The following NLRC5 variants were observed in gnomAD, a reference collection of about 807,000 sequenced individuals.
The protein encoded by NLRC5 is NLR family CARD domain containing 5, also known as protein NLRC5.
NLRC5 carries 114 observed loss-of-function variants against 206.9 expected under a neutral mutation model. The ratio of observed to expected loss-of-function variants is 0.55; its 90% CI spans 0.47 to 0.64. NLRC5 has a LOEUF of 0.64. Among genes scored for constraint, NLRC5 ranks in the 30% least tolerant of loss-of-function variants. NLRC5 has a pLI of 0.00. For synonymous variants in NLRC5, 952 were observed against 962.8 expected (o/e 0.99, Z 0.21); for missense variants, 2,008 against 2,305.5 (o/e 0.87, Z 2.64).
rs1041076881 is a variant in NLRC5 at position 57,055,539 on chromosome 16, G to A, written c.3746+20G>A. On this transcript the variant is annotated intron_variant, in intron 27 of 48. Coordinates refer to ENST00000688547, the MANE Select transcript of NLRC5 (RefSeq NM_001384950.1). ...GGTGGAGTAAGTTGAGGGAGGAGGA[G>A]GAAGGAGAGGAGCATGGACGCATGC... The A allele has an allele frequency of 2.5e-6, 4 of 1,600,782 alleles. No homozygotes were observed. Among genetic ancestry groups the A allele is most frequent in the Non-Finnish European group, 3.4e-6 (4 of 1,168,570 alleles).
At chr16:57,022,595 C>G (rs16970107) in intron 4 of NLRC5, among the ~76,000 whole-genome samples, 23,478 of 151,556 alleles carry the variant, frequency 0.15, 2,324 homozygotes, top group Middle Eastern at 0.28. Flanking sequence ...TTCTCACTTT[C>G]CTGCCCGCAA....
intron 1 of NLRC5, among the ~76,000 whole-genome samples, chr16:57,005,005 G>A (rs1242464641): frequency 1.3e-5 from 2 of 152,078 alleles, no homozygotes; most frequent in African/African-American, 2.4e-5. Flanking sequence ...TACTGACTGC[G>A]TGACCCTGGC....
chr16:57,058,454 G>A (rs1450026776), intron 28 of NLRC5: 1 of 420,490 alleles, frequency 2.4e-6, no homozygotes, highest in African/African-American at 2.0e-5. Flanking sequence ...TCCCCAACCA[G>A]CTGATGCGGG....
chr16:57,068,944 G>C (rs1428851222), intron 36 of NLRC5, among the ~76,000 whole-genome samples: 3 of 152,180 alleles, frequency 2.0e-5, no homozygotes, highest in Non-Finnish European at 4.4e-5. Flanking sequence ...CTCATGTTTA[G>C]AGTTAGAGTC....
At chr16:57,077,151 G>T in intron 40 of NLRC5, 145 bp from the exon 41 acceptor site, 1 of 746,540 alleles carries the variant, frequency 1.3e-6, no homozygotes, top group Non-Finnish European at 2.3e-6. Context: ...CAAGGGTTAG[G>T]AGCTGTCACT....
intron 1 of NLRC5, among the ~76,000 whole-genome samples, chr16:57,007,567 A>C (rs2059051177): frequency 6.7e-6 from 1 of 149,968 alleles, no homozygotes; most frequent in South Asian, 2.2e-4. Flanking sequence ...TATTAAAAAT[A>C]CAAAAAAAAA....
At chr16:57,076,050 AT>A in intron 39 of NLRC5, 1 of 195,600 alleles carries the variant, frequency 5.1e-6, no homozygotes, top group Non-Finnish European at 1.1e-5. Context: ...AGTAGCTGGG[AT>A]TACAGGTATG....
chr16:57,002,577 T>C lies in NLRC5; in HGVS notation c.-128+12960T>C, dbSNP rs117720797. On this transcript the variant is annotated intron_variant, in intron 1 of 48. Transcript: ENST00000688547. Reference sequence around the variant, plus strand: ...CTTTGAGACACTGATTCCTTTCTTTTGGGTATATACCTAGCAGTGGGATTG... The same window carrying C: ...CTTTGAGACACTGATTCCTTTCTTTCGGGTATATACCTAGCAGTGGGATTG... Among the ~76,000 whole-genome samples the C allele has an allele frequency of 0.011, 1,653 of 152,194 alleles. 75 individuals are homozygous for C. In the East Asian group the frequency reaches 0.11, roughly 10 times the overall value.
Position 57,021,022 on chromosome 16 carries a change from G to A in NLRC5, c.295+15G>A. On this transcript the variant is annotated intron_variant, in intron 3 of 48. Coordinates refer to ENST00000688547, the MANE Select transcript of NLRC5 (RefSeq NM_001384950.1). ...CTATGATGATGGTAAGGGCAGGTGT[G>A]AGAGACGCAAAGCAGCCGGGCCAGT... is the stretch of plus-strand genomic sequence containing the variant. 6.2e-7 allele frequency: 1 copy of A among 1,609,590 alleles called. No individual in the cohort carries two copies. Among genetic ancestry groups the A allele is most frequent in the Non-Finnish European group, 8.5e-7 (1 of 1,176,442 alleles).
At chr16:57,078,919 A>G in intron 43 of NLRC5, 131 bp from the exon 44 acceptor site, 1 of 789,082 alleles carries the variant, frequency 1.3e-6, no homozygotes, top group East Asian at 2.5e-5. Flanking sequence ...ATACCTACCC[A>G]GGTCCTGTGT....
Position 57,061,603 on chromosome 16 carries a change from G to A in NLRC5, c.4071-15G>A, listed in dbSNP as rs2066494398. The A allele has an allele frequency of 4.3e-6, 7 of 1,609,810 alleles. No homozygotes were observed. Among genetic ancestry groups the A allele is most frequent in the Non-Finnish European group, 5.1e-6 (6 of 1,179,356 alleles). ...CCCTGCCAGAGCCACCTCAGTGACT[G>A]ACCTCTGTCTCCAGGCTGACCCAGT... On this transcript the variant is annotated splice_polypyrimidine_tract_variant and intron_variant, in intron 31 of 48. Transcript: ENST00000688547.
chr16:56,992,523 C>T (rs902933537), intron 1 of NLRC5: 4 of 150,916 alleles, frequency 2.7e-5, no homozygotes, highest in East Asian at 3.9e-4. Context: ...GTTGCCTAGG[C>T]TGGAGTGCAG....
intron 14 of NLRC5, 29 bp downstream of exon 14, chr16:57,036,212 C>T: frequency 6.2e-7 from 1 of 1,605,530 alleles, no homozygotes; most frequent in South Asian, 1.1e-5. Flanking sequence ...CGCTGGGTAC[C>T]AGGGAAGGCC....
intron 28 of NLRC5, 83 bp from the exon 29 acceptor site, chr16:57,058,889 C>T: frequency 2.6e-6 from 3 of 1,156,178 alleles, no homozygotes; most frequent in Admixed American, 1.7e-5. Flanking sequence ...GAAATGACAG[C>T]TGGAAGGGAG....
At chr16:57,014,010 T>C (rs2059766712) in intron 1 of NLRC5, 2 of 355,210 alleles carry the variant, frequency 5.6e-6, no homozygotes, top group South Asian at 5.2e-5. Flanking sequence ...ACCAGTTTCT[T>C]GACAGATTTA....
At chr16:57,005,181 G>A (rs1441616746) in intron 1 of NLRC5, among the ~76,000 whole-genome samples, 17 of 152,110 alleles carry the variant, frequency 1.1e-4, no homozygotes, top group South Asian at 8.3e-4. Flanking sequence ...TCTCTGTTCC[G>A]TTTGCAGTAG....
intron 38 of NLRC5, among the ~76,000 whole-genome samples, chr16:57,073,987 C>T (rs1413060289): frequency 1.3e-5 from 2 of 152,216 alleles, no homozygotes; most frequent in African/African-American, 2.4e-5. Flanking sequence ...GAGCAATCTC[C>T]CCTGCTACGG....
chr16:57,025,517 G>A lies in NLRC5; in HGVS notation c.574G>A (p.Glu192Lys), dbSNP rs1190658778. ...GGCCACAGCATCCTTAGACACTCCG[G>A]AGGGGGCCATTATGGGGGACGTCAA... is the stretch of plus-strand genomic sequence containing the variant. The part of the protein sequence containing the change: ...RRATASLDTP[E>K]GAIMGDVKVE... Residue 192 changes from glutamate (E) to lysine (K), a missense_variant, in exon 6 of 49, where the codon GAG (glutamate) becomes AAG (lysine). Coordinates refer to ENST00000688547, the MANE Select transcript of NLRC5 (RefSeq NM_001384950.1). 2 of 1,613,686 alleles carry A rather than the reference G, an allele frequency of 1.2e-6. No homozygotes were observed. The highest frequency in any genetic ancestry group is 1.1e-5 in the South Asian group (1 of 91,028).
intron 20 of NLRC5, among the ~76,000 whole-genome samples, chr16:57,044,670 T>A (rs2063713106): frequency 6.6e-6 from 1 of 152,134 alleles, no homozygotes; most frequent in Non-Finnish European, 1.5e-5. Context: ...CCCAGCACTT[T>A]GGGAGGCCAA....
Sources: allele counts gnomAD v4.1 joint callset (sites outside exome capture counted in the v4.1 genomes callset), GRCh38; gene constraint gnomAD v4.1.1; transcripts MANE v1.5; gene names NCBI Gene and HGNC (gene_info 2026-07-23, HGNC 2026-07-21).